The following SIM1 variants were observed in gnomAD, a reference collection of about 807,000 sequenced individuals.
The protein encoded by SIM1 is single-minded homolog 1.
A neutral mutation model predicts 78.2 loss-of-function variants in SIM1; 18 were observed. The ratio of observed to expected loss-of-function variants is 0.23; its 90% confidence interval spans 0.16 to 0.34. The LOEUF (loss-of-function observed/expected upper bound fraction) is 0.34, where lower values mean the gene tolerates loss of function less well. SIM1 is among the 10% of genes least tolerant of loss of function. The probability of loss-of-function intolerance (pLI) is 1.00; values close to 1 mark genes in which losing one functional copy is unlikely to be tolerated. For missense variants in SIM1, 939 were observed against 975.1 expected (o/e 0.96, Z 0.49); for synonymous variants, 417 against 385.2 (o/e 1.08, Z -0.97).
At chr6:100,429,564 A>C (rs886943243) in intron 9 of SIM1, among the ~76,000 whole-genome samples, 1 of 152,208 alleles carries the variant, frequency 6.6e-6, no homozygotes, top group Admixed American at 6.5e-5. Flanking sequence ...ATAAAGTAAA[A>C]AATTATCTCT....
In SIM1 at chr6:100,385,200, A is replaced by G. The variant is rs527269260; in HGVS notation, c.*5161T>C. On this transcript the variant is annotated 3_prime_UTR_variant, in exon 12 of 12. Transcript: ENST00000369208. The stretch of plus-strand genomic sequence containing the variant: ...CTTTACATTCCAAAGTAAAATTTCA[A>G]ATTACAGCTTTATACTACAATGTCA... 1.3e-5 allele frequency: 2 copies of G among 152,198 alleles called. No homozygotes were observed. The highest frequency in any genetic ancestry group is 4.8e-5 in the African/African-American group (2 of 41,566). The allele number at this position is 152,198 out of a possible 1,614,324, so 9.4% of individuals were successfully genotyped here.
chr6:100,449,404 A>C lies in SIM1; in HGVS notation c.502T>G (p.Leu168Val). 6.2e-7 allele frequency: 1 copy of C among 1,614,144 alleles called. No homozygotes were observed. The highest frequency in any genetic ancestry group is 1.3e-5 in the African/African-American group (1 of 75,078). The change falls in exon 6 of 12, where the codon TTG (leucine) becomes GTG (valine). Residue 168 changes from leucine (L) to valine (V), a missense_variant. By Grantham distance (32) the Leu-to-Val change is conservative. This residue lies in a region of SIM1 where 187 missense variants were observed against 191.6 expected (regional missense o/e 0.98). Transcript: ENST00000369208. The part of the protein sequence containing the change: ...RSFFLRMKCV[L>V]AKRNAGLTCG... The stretch of plus-strand genomic sequence containing the variant: ...GTGAGGCCGGCGTTACGCTTGGCCA[A>C]GACGCACTTCATCCTCAGGAAGAAG...
At position 100,386,234 on chromosome 6, in the gene SIM1, A is replaced by G. The variant is rs1770513852; in HGVS notation, c.*4127T>C. On this transcript the variant is annotated 3_prime_UTR_variant, in exon 12 of 12. Transcript: ENST00000369208. ...TGGGCATTCAAACATTTTATATCAG[A>G]AAGACTGTGTTTGATTGTATTAAAG... 1 of 152,014 alleles carries G rather than the reference A, an allele frequency of 6.6e-6. No individual in the cohort carries two copies. Among genetic ancestry groups the G allele is most frequent in the Non-Finnish European group, 1.5e-5 (1 of 67,922 alleles). The allele number at this position is 152,014 out of a possible 1,614,324, so 9.4% of individuals were successfully genotyped here. A position where few individuals can be genotyped will look rare whatever the true frequency, so the allele number is the denominator to read the frequency against.
intron 10 of SIM1, among the ~76,000 whole-genome samples, chr6:100,417,309 G>C (rs542886652): frequency 6.6e-6 from 1 of 152,212 alleles, no homozygotes; most frequent in Admixed American, 6.5e-5. Context: ...CTAGACAATA[G>C]TTATTCTAGT....
chr6:100,463,329 G>T lies in SIM1; in HGVS notation c.140C>A (p.Thr47Asn). ...LDKASIIRLT[T>N]SYLKMRVVFP... ...CACCACTCTCATTTTGAGATAGCTGGTCGTGAGTCTGATTATGGATGCTTT... is the reference window on the plus strand; with the variant it reads ...CACCACTCTCATTTTGAGATAGCTGTTCGTGAGTCTGATTATGGATGCTTT... Residue 47 changes from threonine to asparagine, a missense_variant, in exon 2 of 12, where the codon ACC becomes AAC. Transcript: ENST00000369208. 6.2e-7 allele frequency: 1 copy of T among 1,613,478 alleles called. No homozygotes were observed. Among genetic ancestry groups the T allele is most frequent in the Non-Finnish European group, 8.5e-7 (1 of 1,179,458 alleles).
intron 9 of SIM1, among the ~76,000 whole-genome samples, chr6:100,446,377 TC>T (rs1772355161): frequency 6.6e-6 from 1 of 151,912 alleles, no homozygotes; most frequent in African/African-American, 2.4e-5. Context: ...ACCCATGAGA[TC>T]CCCTAAAATC....
intron 2 of SIM1, among the ~76,000 whole-genome samples, chr6:100,459,355 A>C (rs930746798): frequency 1.3e-5 from 2 of 152,234 alleles, no homozygotes; most frequent in East Asian, 3.8e-4. Context: ...TGCACTCCAC[A>C]TTTTAAGTCA....
intron 10 of SIM1, among the ~76,000 whole-genome samples, chr6:100,407,222 T>C (rs537528490): frequency 1.3e-5 from 2 of 152,320 alleles, no homozygotes; most frequent in Admixed American, 6.5e-5. Flanking sequence ...AGTGAAATCA[T>C]ACAGTATTCG....
Position 100,450,279 on chromosome 6 carries a change from C to T in SIM1, c.336G>A (p.Leu112=). 1 of 1,614,008 alleles carries T rather than the reference C, an allele frequency of 6.2e-7. No individual in the cohort carries two copies. The highest frequency in any genetic ancestry group is 8.5e-7 in the Non-Finnish European group (1 of 1,179,966). Residue 112 remains leucine (L), a synonymous_variant, in exon 4 of 12, where the codon TTG becomes TTA. Transcript: ENST00000369208. ...MYISETASVH[L]GLSQVELTGN... ...ACCACTCACCTACCTGAGAAAGACC[C>T]AAGTGGACTGAGGCTGTCTCTGAGA...
Position 100,448,132 on chromosome 6 carries a change from G to T in SIM1, c.850+14C>A, listed in dbSNP as rs746096792. 2 of 1,602,766 alleles carry T rather than the reference G, an allele frequency of 1.2e-6. No individual in the cohort carries two copies. Among genetic ancestry groups the T allele is most frequent in the Non-Finnish European group, 1.7e-6 (2 of 1,173,012 alleles). On this transcript the variant is annotated intron_variant, in intron 8 of 11. Transcript: ENST00000369208. ...GCCAAGGTTGCTAGGGTACGGGGCA[G>T]GGTGGCGCCTTACGCAAATGGTGCG...
At chr6:100,396,131 C>T (rs1770759905) in intron 10 of SIM1, 2 of 966,466 alleles carry the variant, frequency 2.1e-6, no homozygotes, top group Non-Finnish European at 2.5e-6. Flanking sequence ...ATATCGCCTT[C>T]ACTTTCACCA....
intron 10 of SIM1, among the ~76,000 whole-genome samples, chr6:100,402,378 A>T (rs1453806187): frequency 6.6e-6 from 1 of 151,734 alleles, no homozygotes. Flanking sequence ...TCTTCCAAAT[A>T]CTCCAGTTTT....
intron 10 of SIM1, among the ~76,000 whole-genome samples, chr6:100,406,184 A>C (rs959640713): frequency 1.1e-4 from 16 of 152,306 alleles, no homozygotes; most frequent in African/African-American, 3.8e-4. Flanking sequence ...AACCAGTAGC[A>C]CTAATTTTAA....
intron 10 of SIM1, among the ~76,000 whole-genome samples, chr6:100,399,350 A>G (rs1277969548): frequency 2.0e-5 from 3 of 152,134 alleles, no homozygotes; most frequent in Admixed American, 6.5e-5. Flanking sequence ...TCAATCCAAA[A>G]GGCTATATGA....
At chr6:100,457,091 G>T (rs1407083253) in intron 2 of SIM1, among the ~76,000 whole-genome samples, 2 of 152,194 alleles carry the variant, frequency 1.3e-5, no homozygotes, top group Non-Finnish European at 2.9e-5. Context: ...AAAATAAATT[G>T]ATAGAGCTTT....
At chr6:100,400,953 C>T (rs530215305) in intron 10 of SIM1, among the ~76,000 whole-genome samples, 1 of 151,634 alleles carries the variant, frequency 6.6e-6, no homozygotes, top group South Asian at 2.1e-4. Flanking sequence ...TAAAGGGTTT[C>T]CCCACAGATT....
chr6:100,458,585 G>T (rs564174893), intron 2 of SIM1, among the ~76,000 whole-genome samples: 1 of 152,200 alleles, frequency 6.6e-6, no homozygotes, highest in Non-Finnish European at 1.5e-5. Context: ...CTCCTGGGCC[G>T]GCCTGGGGAG....
At chr6:100,452,899 C>A (rs976095871) in intron 3 of SIM1, among the ~76,000 whole-genome samples, 21 of 152,116 alleles carry the variant, frequency 1.4e-4, no homozygotes, top group African/African-American at 4.8e-4. Context: ...GGAAAAGGAG[C>A]TCCTGTCAAG....
At chr6:100,417,280 C>T (rs1407779781) in intron 10 of SIM1, among the ~76,000 whole-genome samples, 1 of 152,162 alleles carries the variant, frequency 6.6e-6, no homozygotes, top group African/African-American at 2.4e-5. Context: ...CCAGCAATGT[C>T]CTTTGTATAC....
Sources: allele counts gnomAD v4.1 joint callset (sites outside exome capture counted in the v4.1 genomes callset), GRCh38; gene constraint gnomAD v4.1.1; regional missense constraint gnomAD v4.1.1; transcripts MANE v1.5; gene names NCBI Gene and HGNC (gene_info 2026-07-23, HGNC 2026-07-21).